RAPGEF4: variants seen among roughly 807,000 people sequenced by gnomAD.
RAPGEF4 encodes RAP guanine-nucleotide-exchange factor (GEF) 4.
A neutral mutation model predicts 147.9 loss-of-function variants in RAPGEF4; 66 were observed. That is an observed-to-expected ratio of 0.45 (90% CI 0.37 to 0.55). The LOEUF (loss-of-function observed/expected upper bound fraction) is 0.55, where lower values mean the gene tolerates loss of function less well. Among genes scored for constraint, RAPGEF4 ranks in the 20% least tolerant of loss-of-function variants. The pLI, the probability that RAPGEF4 is intolerant of heterozygous loss-of-function variation, is 0.00. For missense variants in RAPGEF4, 1,071 were observed against 1,257.3 expected, an observed-to-expected ratio of 0.85 and a Z score of 2.24; for synonymous variants, 419 against 442.7, an observed-to-expected ratio of 0.95 and a Z score of 0.67.
At chr2:172,894,658 C>A (rs951457648) in intron 4 of RAPGEF4, among the ~76,000 whole-genome samples, 7 of 152,140 alleles carry the variant, frequency 4.6e-5, no homozygotes, top group African/African-American at 1.7e-4. Context: ...TTTAGACTGA[C>A]TGCATGAATG....
At chr2:172,940,229 G>T (rs1687011714) in intron 6 of RAPGEF4, among the ~76,000 whole-genome samples, 1 of 151,936 alleles carries the variant, frequency 6.6e-6, no homozygotes, top group South Asian at 2.1e-4. Flanking sequence ...CCTACTATGA[G>T]AATATATATT....
chr2:172,956,431 T>A (rs1048195401), intron 6 of RAPGEF4, among the ~76,000 whole-genome samples: 11 of 152,074 alleles, frequency 7.2e-5, no homozygotes, highest in African/African-American at 2.7e-4. Context: ...GGACAGTTCC[T>A]CAATGCTAAA....
Position 172,821,655 on chromosome 2 carries a change from G to A in RAPGEF4, c.444+7230G>A, listed in dbSNP as rs181196566. The stretch of plus-strand genomic sequence containing the variant: ...GTCTGCACCAGGGTCTCATTCCTGT[G>A]TCTTCAAGCTTTTCCATGGAGTGGC... On this transcript the variant is annotated intron_variant, in intron 4 of 30. Transcript: ENST00000397081. The A allele has an allele frequency of 1.1e-4, 113 of 1,023,876 alleles. 1 individual carries two copies. The African/African-American group carries it at 1.9e-3, about 17-fold the overall frequency. 63.4% of individuals were successfully genotyped at this position (1,023,876 alleles called of 1,614,324 possible).
At chr2:172,880,499 A>C (rs1696500330) in intron 4 of RAPGEF4, among the ~76,000 whole-genome samples, 1 of 151,614 alleles carries the variant, frequency 6.6e-6, no homozygotes. Context: ...AGAAATGACT[A>C]GAATAAAGGA....
intron 10 of RAPGEF4, among the ~76,000 whole-genome samples, chr2:172,972,847 G>A (rs573791008): frequency 6.6e-6 from 1 of 152,222 alleles, no homozygotes; most frequent in African/African-American, 2.4e-5. Context: ...GGAAACCACT[G>A]ACAAGAGTTA....
At chr2:172,963,201 C>T (rs529610237) in intron 8 of RAPGEF4, among the ~76,000 whole-genome samples, 1 of 152,178 alleles carries the variant, frequency 6.6e-6, no homozygotes, top group Non-Finnish European at 1.5e-5. Flanking sequence ...TCCCACCAGG[C>T]CCTTCCCCTG....
At chr2:172,978,588 C>T (rs1324141449) in intron 10 of RAPGEF4, among the ~76,000 whole-genome samples, 1 of 152,196 alleles carries the variant, frequency 6.6e-6, no homozygotes, top group African/African-American at 2.4e-5. Flanking sequence ...AGGGGCCTGA[C>T]CAAGTGGTGG....
intron 10 of RAPGEF4, among the ~76,000 whole-genome samples, chr2:172,980,520 G>A (rs770964578): frequency 1.3e-5 from 2 of 152,176 alleles, no homozygotes; most frequent in Non-Finnish European, 2.9e-5. Context: ...AAAGCAGGAA[G>A]GGAGCCAAGG....
chr2:173,023,540 C>T (rs1261924303), intron 23 of RAPGEF4, among the ~76,000 whole-genome samples: 1 of 152,158 alleles, frequency 6.6e-6, no homozygotes, highest in Non-Finnish European at 1.5e-5. Flanking sequence ...TTGCCTCTTC[C>T]GTGGCTCATG....
At chr2:172,764,276 A>G (rs1320195466) in intron 1 of RAPGEF4, among the ~76,000 whole-genome samples, 3 of 151,752 alleles carry the variant, frequency 2.0e-5, no homozygotes, top group Non-Finnish European at 4.4e-5. Flanking sequence ...GAAAGAAAGT[A>G]GTACTGTCAT....
chr2:172,782,672 G>A (rs1327056092), intron 1 of RAPGEF4, among the ~76,000 whole-genome samples: 2 of 152,212 alleles, frequency 1.3e-5, no homozygotes, highest in African/African-American at 4.8e-5. Flanking sequence ...GCCATCAGTT[G>A]AAACCCATCC....
At position 172,814,437 on chromosome 2, in the gene RAPGEF4, G is replaced by T; in HGVS notation, c.444+12G>T. 1 of 1,613,994 alleles carries T rather than the reference G, an allele frequency of 6.2e-7. No homozygotes were observed. Among genetic ancestry groups the T allele is most frequent in the South Asian group, 1.1e-5 (1 of 91,070 alleles). On this transcript the variant is annotated intron_variant, in intron 4 of 30. Transcript: ENST00000397081. ...AGGCACTATGGGAGGTGAGCCCTAA[G>T]GCTTCTTTGTCAATTAATGCAGTTT...
intron 6 of RAPGEF4, among the ~76,000 whole-genome samples, chr2:172,935,234 A>G (rs572026379): frequency 4.2e-4 from 64 of 152,316 alleles, no homozygotes; most frequent in African/African-American, 1.3e-3. Flanking sequence ...CCTTGGGCTG[A>G]TGGGAGCCGA....
At chr2:172,871,452 G>A (rs1695228158) in intron 4 of RAPGEF4, among the ~76,000 whole-genome samples, 1 of 152,072 alleles carries the variant, frequency 6.6e-6, no homozygotes, top group Non-Finnish European at 1.5e-5. Context: ...GGGTAGTGGA[G>A]GGCAAGGCAC....
chr2:172,768,102 G>A (rs886488872), intron 1 of RAPGEF4, among the ~76,000 whole-genome samples: 4 of 152,120 alleles, frequency 2.6e-5, no homozygotes. Context: ...ATGAGCCACC[G>A]CGCCTGGCCT....
chr2:172,918,142 A>C (rs1404679775), intron 5 of RAPGEF4: 1 of 604,420 alleles, frequency 1.7e-6, no homozygotes, highest in African/African-American at 1.8e-5. Flanking sequence ...AAATATCTTC[A>C]TCTTATAGTG....
At chr2:172,736,170 C>A in intron 1 of RAPGEF4, 122 bp downstream of exon 1, 4 of 683,012 alleles carry the variant, frequency 5.9e-6, no homozygotes, top group East Asian at 3.9e-5. Context: ...GGTCCCCGAG[C>A]GGGGGAAGGG....
At chr2:172,792,570 AT>A (rs1474126499) in intron 1 of RAPGEF4, among the ~76,000 whole-genome samples, 1 of 152,178 alleles carries the variant, frequency 6.6e-6, no homozygotes, top group Non-Finnish European at 1.5e-5. Context: ...GGTTGTGGGC[AT>A]ATTCTTTGAA....
intron 6 of RAPGEF4, among the ~76,000 whole-genome samples, chr2:172,926,860 G>A (rs886637801): frequency 6.6e-5 from 10 of 152,148 alleles, no homozygotes; most frequent in Admixed American, 5.2e-4. Flanking sequence ...GTGAGCTACC[G>A]CGCCCAGCCC....
Sources: allele counts gnomAD v4.1 joint callset (sites outside exome capture counted in the v4.1 genomes callset), GRCh38; gene constraint gnomAD v4.1.1; transcripts MANE v1.5; gene names NCBI Gene and HGNC (gene_info 2026-07-23, HGNC 2026-07-21).